Variants in LCORL observed in about 807,000 individuals in gnomAD.
LCORL encodes ligand dependent nuclear receptor corepressor like, also known as ligand-dependent nuclear receptor corepressor-like protein.
Under a neutral mutation model 141.8 loss-of-function variants are expected in LCORL, and 41 were observed. The ratio of observed to expected loss-of-function variants is 0.29; its 90% CI spans 0.23 to 0.38. The LOEUF is 0.38. Among genes scored for constraint, LCORL ranks in the 10% least tolerant of loss-of-function variants. The pLI, the probability that LCORL is intolerant of heterozygous loss-of-function variation, is 1.00. For missense variants in LCORL, 1,759 were observed against 2,035.0 expected (o/e 0.86, Z 2.61); for synonymous variants, 618 against 694.1 (o/e 0.89, Z 1.72).
intron 4 of LCORL, among the ~76,000 whole-genome samples, chr4:17,947,364 T>G (rs1449636536): frequency 6.6e-6 from 1 of 151,886 alleles, no homozygotes; most frequent in African/African-American, 2.4e-5. Flanking sequence ...AGCAGAATAG[T>G]AGAATACAAG....
intron 4 of LCORL, among the ~76,000 whole-genome samples, chr4:17,940,187 T>TAC (rs1448324270): frequency 4.4e-5 from 5 of 112,946 alleles, no homozygotes; most frequent in South Asian, 3.3e-4. Context: ...TATATATATA[T>TAC]ACACACACAC....
At chr4:17,995,185 C>T (rs1220081488) in intron 1 of LCORL, among the ~76,000 whole-genome samples, 1 of 150,528 alleles carries the variant, frequency 6.6e-6, no homozygotes, top group African/African-American at 2.5e-5. Flanking sequence ...TTCAGGGTAA[C>T]CACTACCTTT....
chr4:17,924,967 G>A lies in LCORL; in HGVS notation c.431-15622C>T, dbSNP rs543658244. 4.6e-5 allele frequency among the ~76,000 whole-genome samples: 7 copies of A among 152,238 alleles called. No individual in the cohort carries two copies. In the South Asian group the frequency reaches 1.5e-3, roughly 32 times the overall value. ...GGATTCACGGGTCCAGGAGTCAAGG[G>A]GTGGAAGTTGAAATGGCACCACTCA... On this transcript the variant is annotated intron_variant, in intron 4 of 7. Coordinates refer to ENST00000635767, the Ensembl canonical transcript of LCORL.
chr4:17,908,999 A>G, intron 5 of LCORL, 95 bp downstream of exon 5: 1 of 1,166,618 alleles, frequency 8.6e-7, no homozygotes, highest in Non-Finnish European at 1.2e-6. Context: ...TATTACATCC[A>G]AAATAAATTT....
At chr4:17,962,078 C>G in intron 3 of LCORL, 46 bp from the exon 4 acceptor site, 1 of 1,392,296 alleles carries the variant, frequency 7.2e-7, no homozygotes. Context: ...TTTTTTAATT[C>G]AAACATGGAA....
chr4:17,888,765 CTCTGT>C (rs1728656611), intron 5 of LCORL, among the ~76,000 whole-genome samples: 1 of 152,060 alleles, frequency 6.6e-6, no homozygotes, highest in South Asian at 2.1e-4. Context: ...GAAATGTTTC[CTCTGT>C]TCTGTCATCT....
At chr4:18,005,232 T>G (rs1376705329) in intron 1 of LCORL, among the ~76,000 whole-genome samples, 1 of 152,188 alleles carries the variant, frequency 6.6e-6, no homozygotes, top group Admixed American at 6.5e-5. Context: ...AGTCAAATTT[T>G]GAAGCTCAAA....
At chr4:17,991,507 T>A (rs1187044848) in intron 1 of LCORL, among the ~76,000 whole-genome samples, 1 of 152,200 alleles carries the variant, frequency 6.6e-6, no homozygotes, top group African/African-American at 2.4e-5. Flanking sequence ...ACATTCCAAG[T>A]TGGAATATTT....
At chr4:18,019,667 C>T (rs1162250349) in intron 1 of LCORL, among the ~76,000 whole-genome samples, 2 of 149,166 alleles carry the variant, frequency 1.3e-5, no homozygotes, top group African/African-American at 2.4e-5. Context: ...CTTAATGTAT[C>T]TAAATAAGCA....
intron 1 of LCORL, among the ~76,000 whole-genome samples, chr4:18,000,272 T>C (rs1259081022): frequency 6.6e-6 from 1 of 152,020 alleles, no homozygotes; most frequent in Non-Finnish European, 1.5e-5. Flanking sequence ...ACATACACTT[T>C]GAACTTGGTG....
At chr4:17,985,534 AT>A (rs1212874497) in intron 1 of LCORL, among the ~76,000 whole-genome samples, 1 of 151,826 alleles carries the variant, frequency 6.6e-6, no homozygotes, top group Admixed American at 6.6e-5. Context: ...CTTCTTTGCC[AT>A]TTTTGATCTT....
At chr4:17,881,941 C>T (rs1309543424) in intron 6 of LCORL, 1 of 979,990 alleles carries the variant, frequency 1.0e-6, no homozygotes, top group East Asian at 1.1e-4. Flanking sequence ...ACCCTGACAT[C>T]TGCTGTTCTG....
chr4:17,873,895 T>A, exon 7 of LCORL: 6 of 1,234,070 alleles, frequency 4.9e-6, no homozygotes, highest in East Asian at 6.3e-5. Flanking sequence ...TGGCTGCAAT[T>A]TGTTCCATTC....
chr4:17,996,035 T>C (rs1470247523), intron 1 of LCORL, among the ~76,000 whole-genome samples: 1 of 152,134 alleles, frequency 6.6e-6, no homozygotes, highest in African/African-American at 2.4e-5. Flanking sequence ...TGAATTAATT[T>C]GCATGGAACT....
chr4:17,931,045 C>A (rs1335246490), intron 4 of LCORL, among the ~76,000 whole-genome samples: 1 of 152,110 alleles, frequency 6.6e-6, no homozygotes, highest in Non-Finnish European at 1.5e-5. Flanking sequence ...TCTTCTGGGA[C>A]AATTTTAACA....
chr4:17,923,420 C>T (rs544643952), intron 4 of LCORL, among the ~76,000 whole-genome samples: 20 of 152,270 alleles, frequency 1.3e-4, no homozygotes, highest in Admixed American at 5.2e-4. Context: ...CCAAGGCAGG[C>T]GGATAATTTG....
chr4:17,939,093 A>T (rs1487325520), intron 4 of LCORL, among the ~76,000 whole-genome samples: 1 of 152,244 alleles, frequency 6.6e-6, no homozygotes, highest in Non-Finnish European at 1.5e-5. Flanking sequence ...ACAGAAAGCA[A>T]ACAACCCAAT....
chr4:17,974,616 A>G (rs944766237), intron 1 of LCORL, among the ~76,000 whole-genome samples: 3 of 152,060 alleles, frequency 2.0e-5, no homozygotes, highest in African/African-American at 4.8e-5. Flanking sequence ...TAATGGTTTT[A>G]TTTGGTTTTG....
chr4:18,014,158 A>C (rs1337874192), intron 1 of LCORL, among the ~76,000 whole-genome samples: 2 of 152,158 alleles, frequency 1.3e-5, no homozygotes, highest in Non-Finnish European at 2.9e-5. Context: ...AGATATAAAA[A>C]GATACTCAAG....
Sources: gnomAD v4.1 joint callset for allele counts (sites outside exome capture counted in the v4.1 genomes callset) on GRCh38, gnomAD v4.1.1 for gene constraint, MANE v1.5 for transcripts, NCBI Gene and HGNC (gene_info 2026-07-23, HGNC 2026-07-21) for gene names.